ADAMTSL1: variants seen among roughly 807,000 people sequenced by gnomAD.
The protein encoded by ADAMTSL1 is ADAMTS-like protein 1.
A neutral mutation model predicts 201.8 loss-of-function variants in ADAMTSL1; 126 were observed. The ratio of observed to expected loss-of-function variants is 0.62; its 90% CI spans 0.54 to 0.72. The LOEUF (loss-of-function observed/expected upper bound fraction) is 0.72. ADAMTSL1 is among the 30% of genes least tolerant of loss of function. The pLI is 0.00. For missense variants in ADAMTSL1, 2,679 were observed against 2,277.8 expected (o/e 1.18, Z -3.59); for synonymous variants, 1,121 against 903.4 (o/e 1.24, Z -4.32).
chr9:18,246,297 A>G (rs780551084), intron 2 of ADAMTSL1, among the ~76,000 whole-genome samples: 2 of 152,128 alleles, frequency 1.3e-5, no homozygotes, highest in African/African-American at 2.4e-5. Context: ...ATTCTCTGTG[A>G]ACCACAATAA....
chr9:18,445,019 G>A (rs1820134690), intron 2 of ADAMTSL1, among the ~76,000 whole-genome samples: 1 of 152,080 alleles, frequency 6.6e-6, no homozygotes, highest in Non-Finnish European at 1.5e-5. Flanking sequence ...AGGTCAAATA[G>A]AATGTTATAG....
intron 1 of ADAMTSL1, among the ~76,000 whole-genome samples, chr9:17,973,132 G>A (rs1318123431): frequency 2.7e-5 from 4 of 149,594 alleles, no homozygotes; most frequent in Non-Finnish European, 5.9e-5. Context: ...CACTCTGATG[G>A]TATTTTCTTT....
At chr9:18,891,530 T>G (rs1326198167) in intron 25 of ADAMTSL1, among the ~76,000 whole-genome samples, 2 of 152,240 alleles carry the variant, frequency 1.3e-5, no homozygotes, top group Non-Finnish European at 2.9e-5. Flanking sequence ...GTTCCTAGTT[T>G]ACAGGTGGGC....
At chr9:18,699,651 T>C (rs1286969893) in intron 13 of ADAMTSL1, among the ~76,000 whole-genome samples, 1 of 152,214 alleles carries the variant, frequency 6.6e-6, no homozygotes, top group African/African-American at 2.4e-5. Flanking sequence ...TTTTTTAAAT[T>C]AAGTTCTTCT....
At chr9:18,000,239 T>C (rs1048078078) in intron 1 of ADAMTSL1, among the ~76,000 whole-genome samples, 4 of 151,594 alleles carry the variant, frequency 2.6e-5, no homozygotes, top group East Asian at 2.0e-4. Context: ...AAAGTGTTCC[T>C]ATTTCTCCAC....
intron 1 of ADAMTSL1, among the ~76,000 whole-genome samples, chr9:18,032,644 G>T (rs1349440487): frequency 6.6e-6 from 1 of 152,174 alleles, no homozygotes; most frequent in Non-Finnish European, 1.5e-5. Context: ...GGATAGTTGT[G>T]GTTCCGTTTT....
intron 2 of ADAMTSL1, among the ~76,000 whole-genome samples, chr9:18,362,595 A>T (rs1456872747): frequency 6.6e-6 from 1 of 152,236 alleles, no homozygotes; most frequent in East Asian, 1.9e-4. Flanking sequence ...TATAGATTCC[A>T]AAACATATAA....
chr9:18,458,328 T>A (rs1039682394), intron 2 of ADAMTSL1, among the ~76,000 whole-genome samples: 1 of 152,222 alleles, frequency 6.6e-6, no homozygotes, highest in African/African-American at 2.4e-5. Context: ...ATACATATCC[T>A]TACTATGTGA....
chr9:18,421,401 C>T lies in ADAMTSL1; in HGVS notation c.208-83428C>T, dbSNP rs376153874. On this transcript the variant is annotated intron_variant, in intron 2 of 29. Transcript: ENST00000680146. ...TTTCTTACAGGTGAGAAAACCAGCT[C>T]TGAAAGGCTAAGACACTTAGCCAAC... Among the ~76,000 whole-genome samples the T allele has an allele frequency of 9.9e-5, 15 of 152,240 alleles. No homozygotes were observed. The East Asian group carries it at 2.3e-3, about 24-fold the overall frequency.
intron 1 of ADAMTSL1, among the ~76,000 whole-genome samples, chr9:18,047,507 AC>A (rs2131653955): frequency 6.6e-6 from 1 of 152,276 alleles, no homozygotes; most frequent in Non-Finnish European, 1.5e-5. Flanking sequence ...GAAGGTAGTG[AC>A]TGCAAGAAGC....
At chr9:18,830,109 G>A in intron 23 of ADAMTSL1, 132 bp downstream of exon 23, 1 of 1,244,364 alleles carries the variant, frequency 8.0e-7, no homozygotes, top group Non-Finnish European at 1.1e-6. Flanking sequence ...ATTGCCTACA[G>A]AATCCAGACT....
intron 14 of ADAMTSL1, among the ~76,000 whole-genome samples, chr9:18,721,267 A>G (rs923055094): frequency 2.0e-5 from 3 of 152,174 alleles, no homozygotes; most frequent in African/African-American, 7.2e-5. Flanking sequence ...AAGCATTTCA[A>G]GAGTCTAGGT....
At chr9:17,993,708 G>A (rs183990534) in intron 1 of ADAMTSL1, among the ~76,000 whole-genome samples, 3 of 152,246 alleles carry the variant, frequency 2.0e-5, no homozygotes, top group Admixed American at 2.0e-4. Flanking sequence ...TTCTAATACA[G>A]AGTATCATTT....
At chr9:18,857,959 C>G (rs566264710) in intron 23 of ADAMTSL1, among the ~76,000 whole-genome samples, 2 of 152,232 alleles carry the variant, frequency 1.3e-5, no homozygotes, top group South Asian at 2.1e-4. Context: ...TTTCCCTGCT[C>G]CAGCCCTAGA....
At chr9:18,858,203 A>G (rs1449440838) in intron 23 of ADAMTSL1, among the ~76,000 whole-genome samples, 4 of 151,956 alleles carry the variant, frequency 2.6e-5, no homozygotes, top group African/African-American at 7.3e-5. Flanking sequence ...TTCTTCTTCC[A>G]TATTTGTAAT....
chr9:18,693,359 C>T (rs531443257), intron 13 of ADAMTSL1, among the ~76,000 whole-genome samples: 160 of 152,322 alleles, frequency 1.1e-3, no homozygotes, highest in African/African-American at 3.5e-3. Context: ...AGATGAAATT[C>T]GGCCGGCATA....
intron 19 of ADAMTSL1, among the ~76,000 whole-genome samples, chr9:18,785,219 G>A (rs1447735025): frequency 6.6e-6 from 1 of 152,026 alleles, no homozygotes; most frequent in Non-Finnish European, 1.5e-5. Flanking sequence ...CTGGCTTTTG[G>A]AACTATTTCT....
chr9:18,678,451 A>G (rs1830250712), intron 10 of ADAMTSL1, among the ~76,000 whole-genome samples: 1 of 152,158 alleles, frequency 6.6e-6, no homozygotes, highest in South Asian at 2.1e-4. Flanking sequence ...TTTTCTACGC[A>G]TAGAACTGTA....
At chr9:18,238,168 T>A (rs1049038544) in intron 2 of ADAMTSL1, among the ~76,000 whole-genome samples, 8 of 152,238 alleles carry the variant, frequency 5.3e-5, no homozygotes, top group African/African-American at 1.4e-4. Context: ...TGTGTTTTTT[T>A]AAGAGAGCTT....
Sources: gnomAD v4.1 joint callset for allele counts (sites outside exome capture counted in the v4.1 genomes callset) on GRCh38, gnomAD v4.1.1 for gene constraint, MANE v1.5 for transcripts, NCBI Gene and HGNC (gene_info 2026-07-23, HGNC 2026-07-21) for gene names.